Variants in PARVB observed in about 807,000 individuals in gnomAD.
The protein encoded by PARVB is beta-parvin.
Under a neutral mutation model 47.0 loss-of-function variants are expected in PARVB, and 46 were observed. The ratio of observed to expected loss-of-function variants is 0.98; its 90% CI spans 0.77 to 1.25. PARVB has a LOEUF of 1.25. Ranked by LOEUF, PARVB falls within the 50% of genes most tolerant of loss-of-function variation. The pLI is 0.00. For synonymous variants in PARVB, 196 were observed against 196.3 expected, an observed-to-expected ratio of 1.00 and a Z score of 0.01; for missense variants, 473 against 471.6, an observed-to-expected ratio of 1.00 and a Z score of -0.03.
intron 1 of PARVB, among the ~76,000 whole-genome samples, chr22:44,050,881 G>A (rs542435866): frequency 4.6e-5 from 7 of 152,338 alleles, no homozygotes; most frequent in South Asian, 2.1e-4. Flanking sequence ...CACACAGCCC[G>A]TCACCAGGAG....
intron 12 of PARVB, among the ~76,000 whole-genome samples, chr22:44,165,236 G>A (rs1193500448): frequency 3.9e-5 from 6 of 152,186 alleles, no homozygotes; most frequent in South Asian, 2.1e-4. Flanking sequence ...GGGCTCAAGC[G>A]ATTCGCCCAT....
intron 2 of PARVB, 110 bp downstream of exon 2, chr22:44,094,127 T>A (rs1298695416): frequency 6.9e-6 from 4 of 580,768 alleles, no homozygotes; most frequent in African/African-American, 3.8e-5. Flanking sequence ...CTTGATCAGA[T>A]GCTGGGGGCA....
intron 1 of PARVB, among the ~76,000 whole-genome samples, chr22:44,046,425 G>A (rs987757440): frequency 6.6e-6 from 1 of 152,200 alleles, no homozygotes; most frequent in Admixed American, 6.5e-5. Flanking sequence ...GGATATCACT[G>A]ACCACCAGTG....
intron 4 of PARVB, among the ~76,000 whole-genome samples, chr22:44,124,533 G>T (rs909519069): frequency 1.3e-5 from 2 of 151,280 alleles, no homozygotes; most frequent in Admixed American, 1.3e-4. Context: ...CCCCATCCTG[G>T]TGGAAGGGTC....
At chr22:44,062,690 AT>A (rs1569085314) in intron 1 of PARVB, among the ~76,000 whole-genome samples, 1 of 151,660 alleles carries the variant, frequency 6.6e-6, no homozygotes, top group African/African-American at 2.4e-5. Flanking sequence ...TCCCTGGTCT[AT>A]TATAAAGGAG....
chr22:44,080,479 G>A (rs897733495), intron 1 of PARVB, among the ~76,000 whole-genome samples: 4 of 152,164 alleles, frequency 2.6e-5, no homozygotes, highest in African/African-American at 7.2e-5. Flanking sequence ...TGTCTCCTTC[G>A]CCACACCTCC....
At chr22:44,086,883 C>T in intron 1 of PARVB, 1 of 952,154 alleles carries the variant, frequency 1.1e-6, no homozygotes, top group South Asian at 4.8e-5. Context: ...CCTGGAAAAC[C>T]TCATTTAACA....
At chr22:44,153,936 C>T (rs1036636287) in intron 10 of PARVB, among the ~76,000 whole-genome samples, 7 of 152,184 alleles carry the variant, frequency 4.6e-5, no homozygotes, top group Admixed American at 2.6e-4. Context: ...TGTCTGTGCT[C>T]GTGCCTGCTT....
chr22:44,075,410 C>T (rs1426089854), intron 1 of PARVB, among the ~76,000 whole-genome samples: 1 of 152,222 alleles, frequency 6.6e-6, no homozygotes, highest in African/African-American at 2.4e-5. Flanking sequence ...TCAACATCCT[C>T]CCCCTCTAAC....
At chr22:44,080,087 C>T (rs557868196) in intron 1 of PARVB, among the ~76,000 whole-genome samples, 1 of 152,316 alleles carries the variant, frequency 6.6e-6, no homozygotes, top group Admixed American at 6.5e-5. Flanking sequence ...ATTCTGCTTG[C>T]GTGAACAAAG....
chr22:44,106,551 C>T (rs1335479835), intron 3 of PARVB: 1 of 152,122 alleles, frequency 6.6e-6, no homozygotes, highest in South Asian at 2.1e-4. Flanking sequence ...ACATCCTGAT[C>T]CGCTGGCTGT....
At chr22:44,066,509 C>T (rs1478439901) in intron 1 of PARVB, among the ~76,000 whole-genome samples, 1 of 152,140 alleles carries the variant, frequency 6.6e-6, no homozygotes, top group Non-Finnish European at 1.5e-5. Context: ...GACTTTTCTC[C>T]CACTTTGATA....
intron 12 of PARVB, among the ~76,000 whole-genome samples, chr22:44,165,400 A>C (rs1206675541): frequency 6.6e-6 from 1 of 152,166 alleles, no homozygotes; most frequent in Non-Finnish European, 1.5e-5. Flanking sequence ...GCACGGATCA[A>C]AGCACATGTC....
At chr22:44,106,484 G>T (rs2052571348) in intron 3 of PARVB, 1 of 152,232 alleles carries the variant, frequency 6.6e-6, no homozygotes, top group South Asian at 2.1e-4. Flanking sequence ...TGATTTTAGT[G>T]CAAAGCACAG....
chr22:44,161,812 C>G (rs1037709373), intron 11 of PARVB, among the ~76,000 whole-genome samples: 5 of 152,196 alleles, frequency 3.3e-5, no homozygotes, highest in Admixed American at 3.3e-4. Context: ...CGTTCTGCAC[C>G]CTCCGCACGG....
At chr22:44,092,118 A>G (rs1378600262) in intron 1 of PARVB, among the ~76,000 whole-genome samples, 1 of 151,674 alleles carries the variant, frequency 6.6e-6, no homozygotes, top group Non-Finnish European at 1.5e-5. Context: ...GGTTATTTCC[A>G]CTCTTTTTTT....
chr22:44,063,105 G>A (rs2051450118), intron 1 of PARVB, among the ~76,000 whole-genome samples: 5 of 151,790 alleles, frequency 3.3e-5, no homozygotes, highest in Admixed American at 3.3e-4. Flanking sequence ...CTTTGTGTCA[G>A]GAACCAGGGT....
intron 1 of PARVB, among the ~76,000 whole-genome samples, chr22:44,046,221 G>T (rs142874006): frequency 1.3e-5 from 2 of 152,346 alleles, no homozygotes; most frequent in East Asian, 3.9e-4. Context: ...GAGCCCAGCT[G>T]CAGCCTTGTC....
chr22:44,123,947 T>C (rs2053130359), intron 4 of PARVB, among the ~76,000 whole-genome samples: 1 of 152,128 alleles, frequency 6.6e-6, no homozygotes, highest in Non-Finnish European at 1.5e-5. Flanking sequence ...TAAGCAGGAG[T>C]TGTTATTGCT....
Sources: gnomAD v4.1 joint callset for allele counts (sites outside exome capture counted in the v4.1 genomes callset) on GRCh38, gnomAD v4.1.1 for gene constraint, MANE v1.5 for transcripts, NCBI Gene and HGNC (gene_info 2026-07-23, HGNC 2026-07-21) for gene names.